HDAC9: variants seen among roughly 807,000 people sequenced by gnomAD.
The protein encoded by HDAC9 is MEF-2 interacting transcription repressor (MITR) protein.
HDAC9 carries 41 observed loss-of-function variants against 139.4 expected under a neutral mutation model. The observed-to-expected ratio is 0.29, with a 90% confidence interval of 0.23 to 0.38. HDAC9 has a LOEUF of 0.38. Ranked by LOEUF, HDAC9 falls within the 10% of genes least tolerant of loss-of-function variation. The pLI is 1.00. For missense variants in HDAC9, 1,147 were observed against 1,297.0 expected, an observed-to-expected ratio of 0.88 and a Z score of 1.78; for synonymous variants, 517 against 476.2, an observed-to-expected ratio of 1.09 and a Z score of -1.12.
chr7:18,898,003 C>T (rs1377644438), intron 22 of HDAC9, among the ~76,000 whole-genome samples: 2 of 151,668 alleles, frequency 1.3e-5, no homozygotes, highest in African/African-American at 4.8e-5. Flanking sequence ...TTTGTATATG[C>T]ATGAATAGTA....
intron 25 of HDAC9, among the ~76,000 whole-genome samples, chr7:18,993,299 G>C (rs974562221): frequency 6.6e-6 from 1 of 152,044 alleles, no homozygotes; most frequent in Non-Finnish European, 1.5e-5. Context: ...ACATTAACTC[G>C]TTTCAATTCT....
In HDAC9 at chr7:18,954,446, A is replaced by G. The variant is rs891922025; in HGVS notation, c.3022+216A>G. On this transcript the variant is annotated intron_variant, in intron 24 of 25. Transcript: ENST00000686413. Reference sequence around the variant, plus strand: ...CTAGATTTAGAATCTTGTTTTTCTCATGTATTTCAGGTATTTGGAGTTTTT... The same window carrying G: ...CTAGATTTAGAATCTTGTTTTTCTCGTGTATTTCAGGTATTTGGAGTTTTT... The G allele has an allele frequency of 3.6e-5, 16 of 449,210 alleles. No homozygotes were observed. The Admixed American group carries it at 6.3e-4, about 18-fold the overall frequency. 27.8% of individuals were successfully genotyped at this position (449,210 alleles called of 1,614,324 possible).
At chr7:18,301,234 A>C (rs1430676121) in intron 1 of HDAC9, among the ~76,000 whole-genome samples, 1 of 152,178 alleles carries the variant, frequency 6.6e-6, no homozygotes, top group Admixed American at 6.5e-5. Flanking sequence ...TATAAGCATC[A>C]GAATAATACT....
intron 1 of HDAC9, among the ~76,000 whole-genome samples, chr7:18,409,640 C>A (rs574914403): frequency 2.6e-5 from 4 of 152,176 alleles, no homozygotes; most frequent in Admixed American, 6.5e-5. Context: ...ATTTTACTTA[C>A]ATTTAATAGA....
chr7:18,641,473 C>A (rs1785577051), intron 8 of HDAC9, among the ~76,000 whole-genome samples: 1 of 152,096 alleles, frequency 6.6e-6, no homozygotes, highest in South Asian at 2.1e-4. Flanking sequence ...GTACGCCTTG[C>A]ACCCAACACC....
chr7:18,815,506 T>C (rs1246153413), intron 17 of HDAC9, among the ~76,000 whole-genome samples: 1 of 152,230 alleles, frequency 6.6e-6, no homozygotes, highest in Non-Finnish European at 1.5e-5. Context: ...TTACATGCAA[T>C]AGAAGCACCA....
chr7:18,225,177 A>G (rs1792971475), intron 2 of HDAC9, among the ~76,000 whole-genome samples: 1 of 152,220 alleles, frequency 6.6e-6, no homozygotes, highest in South Asian at 2.1e-4. Flanking sequence ...CTGAAAGTGG[A>G]TAAACAGAAC....
intron 12 of HDAC9, among the ~76,000 whole-genome samples, chr7:18,676,517 A>G (rs1781521906): frequency 6.6e-6 from 1 of 152,008 alleles, no homozygotes; most frequent in Non-Finnish European, 1.5e-5. Context: ...TTTACACTAT[A>G]TTTTTAGCAT....
In HDAC9 at chr7:18,430,166, G is replaced by A. The variant is rs1053987647; in HGVS notation, c.-41-66096G>A. 7.2e-5 allele frequency among the ~76,000 whole-genome samples: 11 copies of A among 152,244 alleles called. No homozygotes were observed. In the East Asian group the frequency reaches 1.5e-3, roughly 21 times the overall value. ...GAAATTGACCCAATTTGAATTTATA[G>A]CTTGAACTTGTTCTCCTAGACTAGT... On this transcript the variant is annotated intron_variant, in intron 1 of 3. Coordinates refer to the HDAC9 transcript ENST00000413509.
At chr7:18,602,829 A>G (rs1053937909) in intron 6 of HDAC9, among the ~76,000 whole-genome samples, 8 of 152,058 alleles carry the variant, frequency 5.3e-5, no homozygotes, top group African/African-American at 1.9e-4. Context: ...CTGTGTACAC[A>G]TTCTGTTCCT....
chr7:18,588,072 A>G (rs1829948106), intron 3 of HDAC9, among the ~76,000 whole-genome samples: 1 of 152,242 alleles, frequency 6.6e-6, no homozygotes, highest in African/African-American at 2.4e-5. Context: ...CCAAAACACC[A>G]AAGATTTTAA....
At chr7:18,646,732 T>G (rs1254890695) in intron 9 of HDAC9, among the ~76,000 whole-genome samples, 7 of 152,160 alleles carry the variant, frequency 4.6e-5, no homozygotes, top group African/African-American at 1.4e-4. Context: ...TTTTGAGGTA[T>G]TAGAGTCCTG....
upstream of HDAC9, among the ~76,000 whole-genome samples, chr7:18,288,006 C>A (rs1445546349): frequency 6.6e-6 from 1 of 152,158 alleles, no homozygotes. Flanking sequence ...TGCTTTAATT[C>A]AATTTTAGTA....
At chr7:18,733,023 A>ATGTG (rs1562894172) in intron 13 of HDAC9, among the ~76,000 whole-genome samples, 6 of 145,704 alleles carry the variant, frequency 4.1e-5, no homozygotes, top group African/African-American at 1.5e-4. Flanking sequence ...ATGTGTGTAT[A>ATGTG]TATGTATATA....
At chr7:18,397,186 G>A (rs533673500) in intron 1 of HDAC9, among the ~76,000 whole-genome samples, 1 of 152,126 alleles carries the variant, frequency 6.6e-6, no homozygotes, top group Non-Finnish European at 1.5e-5. Context: ...ATGTGTGGAC[G>A]AGAGAATACG....
chr7:18,917,128 G>T (rs2129293347), intron 22 of HDAC9, among the ~76,000 whole-genome samples: 1 of 152,128 alleles, frequency 6.6e-6, no homozygotes, highest in African/African-American at 2.4e-5. Context: ...GAGCTGAAAT[G>T]CTTTCAAAGC....
rs1444242432 is a variant in HDAC9, at chr7:18,998,855, C to G, written c.*2793C>G. 1 of 152,006 alleles carries G rather than the reference C, an allele frequency of 6.6e-6. No homozygotes were observed. The highest frequency in any genetic ancestry group is 1.5e-5 in the Non-Finnish European group (1 of 68,010). 9.4% of individuals were successfully genotyped at this position (152,006 alleles called of 1,614,324 possible). ...TTGATAAATCTACTAGTAAATAATA[C>G]TAGGAATTTAATAAGCTGTCAAACG... On this transcript the variant is annotated 3_prime_UTR_variant, in exon 26 of 26. Transcript: ENST00000686413.
At chr7:18,161,451 T>A (rs1430861601) in intron 1 of HDAC9, among the ~76,000 whole-genome samples, 3 of 152,240 alleles carry the variant, frequency 2.0e-5, no homozygotes, top group East Asian at 1.9e-4. Flanking sequence ...TGGGATATAC[T>A]ATTTTAGTAA....
intron 3 of HDAC9, among the ~76,000 whole-genome samples, chr7:18,586,656 C>G (rs948409607): frequency 2.0e-4 from 30 of 151,944 alleles, no homozygotes; most frequent in African/African-American, 6.8e-4. Flanking sequence ...TTTCTTAATC[C>G]TAAAAGAACT....
Sources: gnomAD v4.1 joint callset for allele counts (sites outside exome capture counted in the v4.1 genomes callset) on GRCh38, gnomAD v4.1.1 for gene constraint, MANE v1.5 for transcripts, NCBI Gene and HGNC (gene_info 2026-07-23, HGNC 2026-07-21) for gene names.